MACROD2: variants seen among roughly 807,000 people sequenced by gnomAD.
MACROD2 encodes ADP-ribose glycohydrolase MACROD2.
MACROD2 carries 36 observed loss-of-function variants against 70.4 expected under a neutral mutation model. That is an observed-to-expected ratio of 0.51 (90% confidence interval 0.39 to 0.68). The LOEUF is 0.68. Ranked by LOEUF, MACROD2 falls within the 30% of genes least tolerant of loss-of-function variation. The pLI, the probability that MACROD2 is intolerant of heterozygous loss-of-function variation, is 0.00. For synonymous variants in MACROD2, 172 were observed against 178.8 expected (o/e 0.96, Z 0.30); for missense variants, 496 against 538.4 (o/e 0.92, Z 0.78).
chr20:15,564,676 TTAATA>T (rs1371781145), intron 8 of MACROD2, among the ~76,000 whole-genome samples: 1 of 152,206 alleles, frequency 6.6e-6, no homozygotes, highest in Non-Finnish European at 1.5e-5. Flanking sequence ...TCTTTTTATT[TTAATA>T]TAATCACAAT....
chr20:15,524,105 C>T (rs1325685818), intron 8 of MACROD2, among the ~76,000 whole-genome samples: 1 of 152,188 alleles, frequency 6.6e-6, no homozygotes, highest in Non-Finnish European at 1.5e-5. Flanking sequence ...TTTTGAAGAA[C>T]ACTGAAGAGA....
intron 6 of MACROD2, among the ~76,000 whole-genome samples, chr20:15,367,028 T>C (rs569934714): frequency 7.7e-5 from 11 of 143,268 alleles, no homozygotes; most frequent in Non-Finnish European, 1.5e-4. Flanking sequence ...TTAAAATTAC[T>C]GATTTTTTTT....
intron 4 of MACROD2, among the ~76,000 whole-genome samples, chr20:14,549,425 C>T (rs893009738): frequency 4.6e-5 from 7 of 152,052 alleles, no homozygotes. Context: ...GTAAACTGTT[C>T]TTATCACCTG....
intron 8 of MACROD2, among the ~76,000 whole-genome samples, chr20:15,557,526 C>T (rs2048183825): frequency 6.6e-6 from 1 of 152,208 alleles, no homozygotes; most frequent in South Asian, 2.1e-4. Flanking sequence ...ATTTAGCAAG[C>T]TTACCATTGG....
intron 3 of MACROD2, among the ~76,000 whole-genome samples, chr20:14,408,811 G>A (rs1364997280): frequency 6.6e-6 from 1 of 152,172 alleles, no homozygotes; most frequent in Admixed American, 6.6e-5. Context: ...CTAGAGAGAA[G>A]CTTGGTTGAT....
At chr20:15,574,770 G>A (rs2048421989) in intron 8 of MACROD2, among the ~76,000 whole-genome samples, 1 of 152,150 alleles carries the variant, frequency 6.6e-6, no homozygotes. Context: ...CTTGAAATCT[G>A]AAGATGAAAT....
chr20:14,212,945 A>G (rs2081582410), intron 3 of MACROD2, among the ~76,000 whole-genome samples: 1 of 151,802 alleles, frequency 6.6e-6, no homozygotes, highest in Non-Finnish European at 1.5e-5. Flanking sequence ...TCCAGATTCT[A>G]CATGTGATAA....
intron 15 of MACROD2, among the ~76,000 whole-genome samples, chr20:16,034,906 C>T (rs1042839006): frequency 5.3e-5 from 8 of 151,214 alleles, no homozygotes; most frequent in Non-Finnish European, 1.2e-4. Flanking sequence ...TGAGAACATA[C>T]GATCTTTGGT....
intron 5 of MACROD2, among the ~76,000 whole-genome samples, chr20:15,016,232 G>T (rs908894260): frequency 3.9e-5 from 6 of 152,170 alleles, no homozygotes; most frequent in African/African-American, 1.4e-4. Flanking sequence ...GTCATGAAAA[G>T]AAATGATGAA....
rs1176636930 is a variant in MACROD2 at position 14,814,963 on chromosome 20, T to A, written c.418+130004T>A. Among the ~76,000 whole-genome samples, 4 of 151,690 alleles carry A rather than the reference T, an allele frequency of 2.6e-5. No homozygotes were observed. In the East Asian group the frequency reaches 7.7e-4, roughly 29 times the overall value. On this transcript the variant is annotated intron_variant, in intron 5 of 17. Coordinates refer to ENST00000684519, the MANE Select transcript of MACROD2 (RefSeq NM_001351661.2). ...TGAATGAATGAATGAGTGAATGGTG[T>A]CACCAAAGCTTATGTCATCACAGTG...
intron 11 of MACROD2, 100 bp from the exon 12 acceptor site, chr20:15,937,376 T>C (rs1321394233): frequency 2.9e-6 from 3 of 1,043,070 alleles, no homozygotes; most frequent in Non-Finnish European, 4.5e-6. Flanking sequence ...AGGCTCATGC[T>C]TTCTTTGGTG....
At chr20:14,183,337 A>G (rs1363086938) in intron 3 of MACROD2, among the ~76,000 whole-genome samples, 1 of 151,794 alleles carries the variant, frequency 6.6e-6, no homozygotes, top group African/African-American at 2.4e-5. Flanking sequence ...AGCTCCATCT[A>G]TGTCCTTGTA....
At chr20:15,172,600 G>A (rs1047798763) in intron 5 of MACROD2, among the ~76,000 whole-genome samples, 9 of 152,034 alleles carry the variant, frequency 5.9e-5, no homozygotes, top group Non-Finnish European at 1.2e-4. Context: ...TGTAGAGATG[G>A]GATCTCACTA....
chr20:15,738,268 G>T (rs75036882), intron 8 of MACROD2, among the ~76,000 whole-genome samples: 440 of 152,142 alleles, frequency 2.9e-3, no homozygotes, highest in Non-Finnish European at 5.2e-3. Flanking sequence ...TGATTATTAC[G>T]CATTGCATGC....
At chr20:15,635,076 G>A (rs2049343809) in intron 8 of MACROD2, among the ~76,000 whole-genome samples, 1 of 152,162 alleles carries the variant, frequency 6.6e-6, no homozygotes, top group South Asian at 2.1e-4. Context: ...TGTTCAGAGT[G>A]AGGCTCCTGA....
chr20:14,603,775 C>T (rs547631116), intron 4 of MACROD2, among the ~76,000 whole-genome samples: 1 of 152,238 alleles, frequency 6.6e-6, no homozygotes, highest in Non-Finnish European at 1.5e-5. Flanking sequence ...AATTGAGCTA[C>T]ATGGACTTTA....
At chr20:14,629,734 CT>C (rs1984392341) in intron 4 of MACROD2, among the ~76,000 whole-genome samples, 1 of 152,184 alleles carries the variant, frequency 6.6e-6, no homozygotes. Context: ...CAAAGATGTG[CT>C]GTCAATGAGC....
chr20:14,058,934 G>A (rs913174222), intron 2 of MACROD2, among the ~76,000 whole-genome samples: 5 of 152,074 alleles, frequency 3.3e-5, no homozygotes, highest in Admixed American at 6.6e-5. Flanking sequence ...GAGCCACTGC[G>A]TCTGGCCTGT....
At chr20:14,452,658 C>T (rs2084257691) in intron 3 of MACROD2, among the ~76,000 whole-genome samples, 1 of 152,080 alleles carries the variant, frequency 6.6e-6, no homozygotes, top group South Asian at 2.1e-4. Context: ...GTGTAGCTCC[C>T]TTTATACAAT....
Sources: gnomAD v4.1 joint callset for allele counts (sites outside exome capture counted in the v4.1 genomes callset) on GRCh38, gnomAD v4.1.1 for gene constraint, MANE v1.5 for transcripts, NCBI Gene and HGNC (gene_info 2026-07-23, HGNC 2026-07-21) for gene names.